SLC8A3: variants seen among roughly 807,000 people sequenced by gnomAD.
The protein encoded by SLC8A3 is sodium/calcium exchanger 3.
Under a neutral mutation model 65.4 loss-of-function variants are expected in SLC8A3, and 37 were observed. The ratio of observed to expected loss-of-function variants is 0.57; its 90% CI spans 0.44 to 0.74. The LOEUF (loss-of-function observed/expected upper bound fraction) is 0.74. Among genes scored for constraint, SLC8A3 ranks in the 30% least tolerant of loss-of-function variants. The probability of loss-of-function intolerance (pLI) is 0.00; values close to 1 mark genes in which losing one functional copy is unlikely to be tolerated. For missense variants in SLC8A3, 1,112 were observed against 1,172.1 expected (o/e 0.95, Z 0.75); for synonymous variants, 461 against 444.5 (o/e 1.04, Z -0.47).
chr14:70,056,047 G>A (rs1888079638), intron 3 of SLC8A3, among the ~76,000 whole-genome samples: 1 of 152,316 alleles, frequency 6.6e-6, no homozygotes, highest in South Asian at 2.1e-4. Context: ...CCCTGGTAAG[G>A]GCATTTGCTC....
At position 70,085,516 on chromosome 14, in the gene SLC8A3, G is replaced by A. The variant is rs188050514; in HGVS notation, c.1785-24577C>T. Among the ~76,000 whole-genome samples, 28 of 152,098 alleles carry A rather than the reference G, an allele frequency of 1.8e-4. No homozygotes were observed. The East Asian group carries it at 4.1e-3, about 22-fold the overall frequency. ...TACCTTTAACCCGACCCACCTCCCCGCCTGCAATGACCCACATTGACTGAA... is the reference window on the plus strand; with the variant it reads ...TACCTTTAACCCGACCCACCTCCCCACCTGCAATGACCCACATTGACTGAA... On this transcript the variant is annotated intron_variant, in intron 2 of 6. Coordinates refer to ENST00000356921, the MANE Select transcript of SLC8A3 (RefSeq NM_182932.3).
chr14:70,055,948 A>G (rs1170547685), intron 3 of SLC8A3: 1 of 714,924 alleles, frequency 1.4e-6, no homozygotes, highest in Non-Finnish European at 2.3e-6. Context: ...GTGAGAGCTC[A>G]GCAGCCATAC....
intron 2 of SLC8A3, among the ~76,000 whole-genome samples, chr14:70,111,634 C>T (rs61977430): frequency 0.11 from 16,599 of 152,196 alleles, 1,199 homozygotes; most frequent in Non-Finnish European, 0.16. Flanking sequence ...AGTGACATAT[C>T]GGCTGGCAAC....
intron 2 of SLC8A3, among the ~76,000 whole-genome samples, chr14:70,076,428 C>T (rs199861593): frequency 7.1e-4 from 108 of 152,290 alleles, no homozygotes; most frequent in East Asian, 6.0e-3. Context: ...ATAGACCACA[C>T]GCAATATATA....
intron 2 of SLC8A3, among the ~76,000 whole-genome samples, chr14:70,155,759 C>T (rs1896538688): frequency 1.3e-5 from 2 of 152,362 alleles, no homozygotes; most frequent in East Asian, 1.9e-4. Context: ...TTCTGATCCC[C>T]TTACGGAGTT....
chr14:70,119,703 A>G (rs1355916615), intron 2 of SLC8A3, among the ~76,000 whole-genome samples: 1 of 152,242 alleles, frequency 6.6e-6, no homozygotes, highest in South Asian at 2.1e-4. Context: ...CACTTATGCA[A>G]CTTTGCATTA....
intron 3 of SLC8A3, among the ~76,000 whole-genome samples, chr14:70,057,012 C>T (rs1483675859): frequency 2.0e-5 from 3 of 152,090 alleles, no homozygotes; most frequent in Non-Finnish European, 4.4e-5. Flanking sequence ...TAGTTGGTGA[C>T]TGATAGAGAT....
intron 3 of SLC8A3, among the ~76,000 whole-genome samples, chr14:70,056,048 G>A (rs922129500): frequency 1.3e-5 from 2 of 152,184 alleles, no homozygotes; most frequent in Admixed American, 1.3e-4. Flanking sequence ...CCTGGTAAGG[G>A]CATTTGCTCC....
In SLC8A3 at chr14:70,167,247, C is replaced by T. The variant is rs1313815864; in HGVS notation, c.1176G>A (p.Glu392=). ...CAAAGAAGACCTTGGAAATAAAGTC[C>T]TCAGGCTCATCGGTGTGCACCTCGC... The part of the protein sequence containing the change: ...SMSEVHTDEP[E]DFISKVFFDP... Residue 392 remains glutamate (E), a synonymous_variant, in exon 2 of 7, where the codon GAG becomes GAA. Coordinates refer to ENST00000356921, the MANE Select transcript of SLC8A3 (RefSeq NM_182932.3). The T allele has an allele frequency of 1.9e-6, 3 of 1,614,066 alleles. No homozygotes were observed. The highest frequency in any genetic ancestry group is 1.3e-5 in the African/African-American group (1 of 74,916).
intron 2 of SLC8A3, among the ~76,000 whole-genome samples, chr14:70,126,702 T>C (rs967503748): frequency 1.3e-5 from 2 of 151,946 alleles, no homozygotes; most frequent in African/African-American, 4.8e-5. Context: ...CTAGGTCTCT[T>C]TGACCTTAGC....
chr14:70,142,314 A>G (rs998424643), intron 2 of SLC8A3, among the ~76,000 whole-genome samples: 21 of 152,226 alleles, frequency 1.4e-4, no homozygotes, highest in African/African-American at 5.1e-4. Context: ...CAGACTGACT[A>G]TGATCGTTCA....
intron 1 of SLC8A3, among the ~76,000 whole-genome samples, chr14:70,180,340 G>T (rs1459454942): frequency 6.6e-6 from 1 of 152,194 alleles, no homozygotes; most frequent in Non-Finnish European, 1.5e-5. Flanking sequence ...AACCTGGCGA[G>T]CAGTCAAAGT....
intron 2 of SLC8A3, among the ~76,000 whole-genome samples, chr14:70,153,854 A>G (rs909330214): frequency 9.2e-5 from 14 of 152,182 alleles, no homozygotes; most frequent in Admixed American, 2.6e-4. Context: ...CACCATGGAC[A>G]TGGCATCAAA....
intron 2 of SLC8A3, among the ~76,000 whole-genome samples, chr14:70,143,454 T>C (rs1895703977): frequency 6.6e-6 from 1 of 152,164 alleles, no homozygotes; most frequent in South Asian, 2.1e-4. Flanking sequence ...CAGATGGGCC[T>C]GGGAGCACCC....
At chr14:70,183,789 C>G (rs1213602316) in intron 1 of SLC8A3, among the ~76,000 whole-genome samples, 1 of 152,198 alleles carries the variant, frequency 6.6e-6, no homozygotes, top group Non-Finnish European at 1.5e-5. Flanking sequence ...TTTCATGGTC[C>G]AGGACACATA....
At position 70,096,093 on chromosome 14, in the gene SLC8A3, G is replaced by A. The variant is rs539092923; in HGVS notation, c.1785-35154C>T. Among the ~76,000 whole-genome samples, 3 of 152,176 alleles carry A rather than the reference G, an allele frequency of 2.0e-5. No homozygotes were observed. The East Asian group carries it at 5.8e-4, about 29-fold the overall frequency. On this transcript the variant is annotated intron_variant, in intron 2 of 6. Coordinates refer to ENST00000356921, the MANE Select transcript of SLC8A3 (RefSeq NM_182932.3). The stretch of plus-strand genomic sequence containing the variant: ...GATGGGGTTTCACCATGTTGGTCAG[G>A]CTGGTCTTGAACTCCTGACCTCAGG...
chr14:70,082,775 G>T (rs182018161), intron 2 of SLC8A3, among the ~76,000 whole-genome samples: 1 of 152,190 alleles, frequency 6.6e-6, no homozygotes, highest in African/African-American at 2.4e-5. Context: ...AAGGGAAAAT[G>T]AAATTGAAGG....
At chr14:70,091,716 A>G (rs1404014901) in intron 2 of SLC8A3, among the ~76,000 whole-genome samples, 1 of 152,162 alleles carries the variant, frequency 6.6e-6, no homozygotes. Flanking sequence ...CCCTCTTTCA[A>G]TACTTACTTC....
At chr14:70,053,168 A>G (rs1334205707) in intron 3 of SLC8A3, among the ~76,000 whole-genome samples, 2 of 152,198 alleles carry the variant, frequency 1.3e-5, no homozygotes, top group African/African-American at 2.4e-5. Flanking sequence ...AGGCAATCCT[A>G]AAATGTCTGG....
Sources: allele counts gnomAD v4.1 joint callset (sites outside exome capture counted in the v4.1 genomes callset), GRCh38; gene constraint gnomAD v4.1.1; transcripts MANE v1.5; gene names NCBI Gene and HGNC (gene_info 2026-07-23, HGNC 2026-07-21).